RPS6KA6: variants seen among roughly 807,000 people sequenced by gnomAD.
RPS6KA6 encodes ribosomal protein S6 kinase alpha-6.
In RPS6KA6, 27 loss-of-function variants were observed where a neutral mutation model predicts 65.4. The observed-to-expected ratio is 0.41, with a 90% CI of 0.30 to 0.57. The LOEUF (loss-of-function observed/expected upper bound fraction) is 0.57, where lower values mean the gene tolerates loss of function less well. Among genes scored for constraint, RPS6KA6 ranks in the 20% least tolerant of loss-of-function variants. The pLI, the probability that RPS6KA6 is intolerant of heterozygous loss-of-function variation, is 0.24. For synonymous variants in RPS6KA6, 190 were observed against 184.2 expected (o/e 1.03, Z -0.26); for missense variants, 486 against 555.6 (o/e 0.87, Z 1.26).
intron 1 of RPS6KA6, among the ~76,000 whole-genome samples, chrX:84,180,403 TA>T (rs1360300270): frequency 1.8e-5 from 2 of 111,890 alleles, no homozygotes; most frequent in South Asian, 3.7e-4. Flanking sequence ...TTTATTTTTT[TA>T]TTTTTTTGCA....
rs370350167 is a variant in RPS6KA6 at position 84,167,788 on chromosome X, GTA to G, written c.82-3403_82-3402del. Among the ~76,000 whole-genome samples, 228 of 110,950 alleles carry G rather than the reference GTA, an allele frequency of 2.1e-3. 1 individual carries two copies. Among genetic ancestry groups the G allele is most frequent in the African/African-American group, 7.1e-3 (216 of 30,553 alleles). On this transcript the variant is annotated intron_variant, in intron 1 of 21. Coordinates refer to ENST00000262752, the MANE Select transcript of RPS6KA6 (RefSeq NM_014496.5). ...GAGGCATCACATGGGAAGAGTGTGT[GTA>G]TGTGTGTGTGTGTGCTGGGGAGGGT...
intron 20 of RPS6KA6, among the ~76,000 whole-genome samples, chrX:84,067,116 T>C (rs1045263279): frequency 8.1e-5 from 9 of 111,636 alleles, no homozygotes; most frequent in Non-Finnish European, 1.7e-4. Context: ...AAACTCCATA[T>C]AAAAGTCATT....
chrX:84,123,907 C>T (rs1023870930), intron 8 of RPS6KA6, among the ~76,000 whole-genome samples: 2 of 111,214 alleles, frequency 1.8e-5, no homozygotes, highest in East Asian at 2.9e-4. Context: ...TGCTGGCTTC[C>T]GGTTTGATTC....
At chrX:84,140,715 T>C (rs1230843963) in intron 6 of RPS6KA6, among the ~76,000 whole-genome samples, 2 of 66,432 alleles carry the variant, frequency 3.0e-5, no homozygotes, top group Non-Finnish European at 5.3e-5. Flanking sequence ...GCCGGGGCAA[T>C]AGACTGAGAC....
intron 2 of RPS6KA6, among the ~76,000 whole-genome samples, chrX:84,158,710 T>A (rs780297236): frequency 9.0e-6 from 1 of 111,679 alleles, no homozygotes; most frequent in East Asian, 2.8e-4. Flanking sequence ...CCATTTGCCT[T>A]TTTAAATAAA....
At chrX:84,108,100 T>C in intron 12 of RPS6KA6, among the ~76,000 whole-genome samples, 1 of 112,229 alleles carries the variant, frequency 8.9e-6, no homozygotes, top group Non-Finnish European at 1.9e-5. Context: ...TGTTTTCACA[T>C]AAAAAATATA....
At chrX:84,079,759 C>G (rs189197456) in intron 20 of RPS6KA6, among the ~76,000 whole-genome samples, 16 of 112,309 alleles carry the variant, frequency 1.4e-4, no homozygotes, top group African/African-American at 4.8e-4. Context: ...GCTGCTGCAG[C>G]CAGACTGCCT....
chrX:84,172,797 G>T (rs1338085307), intron 1 of RPS6KA6, among the ~76,000 whole-genome samples: 1 of 111,541 alleles, frequency 9.0e-6, no homozygotes, highest in Non-Finnish European at 1.9e-5. Flanking sequence ...AAAAAGAAAG[G>T]AAATTCTGAC....
chrX:84,103,268 T>C, intron 17 of RPS6KA6, among the ~76,000 whole-genome samples: 1 of 110,554 alleles, frequency 9.0e-6, no homozygotes. Flanking sequence ...ATCATAATGA[T>C]CCTCAACAAA....
At chrX:84,123,644 T>C (rs1414395393) in intron 8 of RPS6KA6, among the ~76,000 whole-genome samples, 2 of 112,275 alleles carry the variant, frequency 1.8e-5, no homozygotes, top group Non-Finnish European at 1.9e-5. Flanking sequence ...TTCTGGATTA[T>C]GGTCTGAGTG....
At chrX:84,086,095 G>GT (rs1478298279) in intron 20 of RPS6KA6, among the ~76,000 whole-genome samples, 1 of 110,159 alleles carries the variant, frequency 9.1e-6, no homozygotes, top group Non-Finnish European at 1.9e-5. Flanking sequence ...TATTAATTTT[G>GT]TTTTTTAAAA....
At chrX:84,150,060 A>G (rs1219532647) in intron 3 of RPS6KA6, among the ~76,000 whole-genome samples, 1 of 92,531 alleles carries the variant, frequency 1.1e-5, no homozygotes, top group Non-Finnish European at 2.3e-5. Context: ...TTACACTTTT[A>G]TGTTACGAAA....
At chrX:84,140,752 A>AAAT (rs1234456817) in intron 6 of RPS6KA6, among the ~76,000 whole-genome samples, 1 of 95,956 alleles carries the variant, frequency 1.0e-5, no homozygotes, top group African/African-American at 3.7e-5. Flanking sequence ...AAAAAAAAAA[A>AAAT]ACATACATAT....
At chrX:84,141,812 C>A (rs949241898) in intron 6 of RPS6KA6, among the ~76,000 whole-genome samples, 50 of 111,402 alleles carry the variant, frequency 4.5e-4, no homozygotes, top group African/African-American at 1.6e-3. Context: ...GGGGTCTATT[C>A]ATCAAGAGGG....
Position 84,084,602 on chromosome X carries a change from G to A in RPS6KA6, c.1971+11592C>T, listed in dbSNP as rs1485552662. ...TTCGTACAAGTATCAAGCTGTTTTGGTTACTGTAGCCTTGTAGTATAGTTT... is the reference window on the plus strand; with the variant it reads ...TTCGTACAAGTATCAAGCTGTTTTGATTACTGTAGCCTTGTAGTATAGTTT... On this transcript the variant is annotated intron_variant, in intron 20 of 21. Coordinates refer to ENST00000262752, the MANE Select transcript of RPS6KA6 (RefSeq NM_014496.5). Among the ~76,000 whole-genome samples the A allele has an allele frequency of 2.7e-5, 3 of 112,181 alleles. No individual in the cohort carries two copies. In the East Asian group the frequency reaches 8.4e-4, roughly 31 times the overall value.
intron 1 of RPS6KA6, among the ~76,000 whole-genome samples, chrX:84,185,110 A>T (rs2147659849): frequency 9.0e-6 from 1 of 111,199 alleles, no homozygotes; most frequent in East Asian, 2.8e-4. Flanking sequence ...CTCAAGTAAA[A>T]CCTCTTTCTT....
At position 84,187,783 on chromosome X, in the gene RPS6KA6, G is replaced by A. The variant is rs760188362; in HGVS notation, c.81+36C>T. Reference sequence around the variant, plus strand: ...CAAGGTCTTGAGGGGAAGGAGGCGGGGGTTGGCTCCAGCCCGTCTTGGCCA... The same window carrying A: ...CAAGGTCTTGAGGGGAAGGAGGCGGAGGTTGGCTCCAGCCCGTCTTGGCCA... On this transcript the variant is annotated intron_variant, in intron 1 of 21. Transcript: ENST00000262752. The A allele has an allele frequency of 3.4e-6, 4 of 1,167,795 alleles. No homozygotes were observed. The African/African-American group carries it at 7.2e-5, about 21-fold the overall frequency.
chrX:84,141,499 A>G (rs2035103016), intron 6 of RPS6KA6, among the ~76,000 whole-genome samples: 1 of 111,146 alleles, frequency 9.0e-6, no homozygotes, highest in Non-Finnish European at 1.9e-5. Flanking sequence ...CCAAATAGCA[A>G]GATAGTAGAT....
chrX:84,087,739 C>T (rs931787655), intron 20 of RPS6KA6, among the ~76,000 whole-genome samples: 1 of 111,653 alleles, frequency 9.0e-6, no homozygotes, highest in Non-Finnish European at 1.9e-5. Flanking sequence ...TGGATAATAT[C>T]CTGAAGTGTG....
Sources: allele counts gnomAD v4.1 joint callset (sites outside exome capture counted in the v4.1 genomes callset), GRCh38; gene constraint gnomAD v4.1.1; transcripts MANE v1.5; gene names NCBI Gene and HGNC (gene_info 2026-07-23, HGNC 2026-07-21).